Variants in SLIT2 observed in about 807,000 individuals in gnomAD.
The protein encoded by SLIT2 is slit guidance ligand 2.
Under a neutral mutation model 185.7 loss-of-function variants are expected in SLIT2, and 41 were observed. The observed-to-expected ratio is 0.22, with a 90% CI of 0.17 to 0.29. The LOEUF is 0.29. Ranked by LOEUF, SLIT2 falls within the 10% of genes least tolerant of loss-of-function variation. SLIT2 has a pLI of 1.00. For synonymous variants in SLIT2, 693 were observed against 680.2 expected (o/e 1.02, Z -0.29); for missense variants, 1,571 against 1,909.0 (o/e 0.82, Z 3.30).
intron 7 of SLIT2, among the ~76,000 whole-genome samples, chr4:20,487,966 A>G (rs1717406461): frequency 6.6e-6 from 1 of 152,176 alleles, no homozygotes; most frequent in Non-Finnish European, 1.5e-5. Context: ...TGTGTCATAG[A>G]TGGTTCTGGG....
At chr4:20,415,722 T>C (rs1727610921) in intron 4 of SLIT2, among the ~76,000 whole-genome samples, 1 of 152,148 alleles carries the variant, frequency 6.6e-6, no homozygotes. Flanking sequence ...GCAGGGTCAG[T>C]GCACTCTTTC....
At chr4:20,268,693 C>T in intron 3 of SLIT2, 117 bp from the exon 4 acceptor site, 1 of 752,530 alleles carries the variant, frequency 1.3e-6, no homozygotes, top group Non-Finnish European at 2.4e-6. Flanking sequence ...TTGAATTCTC[C>T]TGAATGTCAT....
At chr4:20,396,326 TAAAG>T (rs1396134379) in intron 4 of SLIT2, among the ~76,000 whole-genome samples, 2 of 151,976 alleles carry the variant, frequency 1.3e-5, no homozygotes, top group East Asian at 1.9e-4. Context: ...CAAATGAAAA[TAAAG>T]AAGATATGGT....
intron 4 of SLIT2, among the ~76,000 whole-genome samples, chr4:20,450,865 G>A (rs76549020): frequency 0.018 from 2,700 of 152,138 alleles, 36 homozygotes; most frequent in East Asian, 0.081. Flanking sequence ...AGATCTAGTC[G>A]GTCCCAGCAT....
chr4:20,312,973 G>A (rs1264115444), intron 4 of SLIT2, among the ~76,000 whole-genome samples: 1 of 152,024 alleles, frequency 6.6e-6, no homozygotes, highest in Non-Finnish European at 1.5e-5. Context: ...GTCAGAATTT[G>A]ACACAATAAA....
intron 4 of SLIT2, among the ~76,000 whole-genome samples, chr4:20,324,624 G>A (rs566997697): frequency 2.0e-5 from 3 of 152,224 alleles, no homozygotes; most frequent in South Asian, 4.1e-4. Flanking sequence ...TGCAAAGACG[G>A]TGGATATTGC....
chr4:20,321,295 T>C (rs1389274748), intron 4 of SLIT2, among the ~76,000 whole-genome samples: 2 of 152,230 alleles, frequency 1.3e-5, no homozygotes, highest in Non-Finnish European at 2.9e-5. Flanking sequence ...GCCAAAATTC[T>C]GCAGATTTTC....
intron 29 of SLIT2, 73 bp downstream of exon 29, chr4:20,569,077 T>C (rs1203052211): frequency 7.9e-7 from 1 of 1,258,746 alleles, no homozygotes; most frequent in South Asian, 1.2e-5. Context: ...CTATGTTATA[T>C]ATGTTTAGTA....
chr4:20,421,351 T>G (rs1171628182), intron 4 of SLIT2, among the ~76,000 whole-genome samples: 1 of 152,166 alleles, frequency 6.6e-6, no homozygotes, highest in Non-Finnish European at 1.5e-5. Flanking sequence ...TGTAGTAACA[T>G]TTAAAAATAT....
At chr4:20,312,954 T>C (rs1414680266) in intron 4 of SLIT2, among the ~76,000 whole-genome samples, 1 of 152,156 alleles carries the variant, frequency 6.6e-6, no homozygotes, top group East Asian at 1.9e-4. Flanking sequence ...TTTTATGCTG[T>C]ATAATTATGT....
chr4:20,544,859 A>G (rs1328725601), intron 21 of SLIT2, among the ~76,000 whole-genome samples: 1 of 152,004 alleles, frequency 6.6e-6, no homozygotes, highest in East Asian at 1.9e-4. Flanking sequence ...GTGCTGAACT[A>G]TATAGGGTGA....
At chr4:20,311,060 T>A (rs1318251485) in intron 4 of SLIT2, among the ~76,000 whole-genome samples, 2 of 152,212 alleles carry the variant, frequency 1.3e-5, no homozygotes, top group East Asian at 1.9e-4. Context: ...ATTATTTTTT[T>A]AATTTTTTGT....
chr4:20,260,363 A>G (rs1026529207), intron 3 of SLIT2, among the ~76,000 whole-genome samples: 2 of 151,834 alleles, frequency 1.3e-5, no homozygotes, highest in African/African-American at 4.8e-5. Flanking sequence ...TTAAAATTGG[A>G]ACTCAATTAT....
intron 4 of SLIT2, among the ~76,000 whole-genome samples, chr4:20,403,007 A>G (rs1431257886): frequency 6.6e-6 from 1 of 151,866 alleles, no homozygotes; most frequent in Non-Finnish European, 1.5e-5. Context: ...TAATAATCAT[A>G]TCAAATTACA....
At chr4:20,476,831 G>A (rs1398447580) in intron 5 of SLIT2, among the ~76,000 whole-genome samples, 2 of 152,242 alleles carry the variant, frequency 1.3e-5, no homozygotes, top group African/African-American at 4.8e-5. Flanking sequence ...TAGCATCTCT[G>A]TTTCAGGATG....
At chr4:20,369,749 G>A (rs1482768164) in intron 4 of SLIT2, among the ~76,000 whole-genome samples, 1 of 152,024 alleles carries the variant, frequency 6.6e-6, no homozygotes, top group Non-Finnish European at 1.5e-5. Flanking sequence ...ATATAAAAAG[G>A]TAGCAGGGGA....
intron 4 of SLIT2, among the ~76,000 whole-genome samples, chr4:20,329,399 T>C (rs1719878902): frequency 6.6e-6 from 1 of 152,048 alleles, no homozygotes; most frequent in African/African-American, 2.4e-5. Flanking sequence ...CTTTAATTTT[T>C]ATAATTCTAA....
intron 15 of SLIT2, among the ~76,000 whole-genome samples, chr4:20,527,113 G>A (rs1721364160): frequency 6.6e-6 from 1 of 152,136 alleles, no homozygotes; most frequent in Non-Finnish European, 1.5e-5. Flanking sequence ...AAGTTGAAAA[G>A]TTCATTAAAA....
chr4:20,467,627 A>C (rs1714501489), intron 4 of SLIT2, 125 bp from the exon 5 acceptor site: 2 of 500,366 alleles, frequency 4.0e-6, no homozygotes, highest in South Asian at 7.3e-5. Flanking sequence ...CTATGGATTT[A>C]ATTATGATCC....
Sources: allele counts gnomAD v4.1 joint callset (sites outside exome capture counted in the v4.1 genomes callset), GRCh38; gene constraint gnomAD v4.1.1; transcripts MANE v1.5; gene names NCBI Gene and HGNC (gene_info 2026-07-23, HGNC 2026-07-21).